Variants in NRK observed in about 807,000 individuals in gnomAD.
NRK encodes the protein Nik related kinase, also known as nik-related protein kinase.
NRK carries 67 observed loss-of-function variants against 125.2 expected under a neutral mutation model. That is an observed-to-expected ratio of 0.54 (90% CI 0.44 to 0.66). NRK has a LOEUF of 0.66. NRK is among the 30% of genes least tolerant of loss of function. The pLI, the probability that NRK is intolerant of heterozygous loss-of-function variation, is 0.00. For synonymous variants in NRK, 458 were observed against 429.0 expected (o/e 1.07, Z -0.84); for missense variants, 1,224 against 1,192.9 (o/e 1.03, Z -0.38).
intron 16 of NRK, among the ~76,000 whole-genome samples, chrX:105,921,159 T>G (rs1156517577): frequency 9.3e-6 from 1 of 107,178 alleles, no homozygotes; most frequent in African/African-American, 3.4e-5. Context: ...CCATAAAAAA[T>G]GATGAGTTCA....
chrX:105,950,745 T>C (rs189465510), intron 27 of NRK, among the ~76,000 whole-genome samples: 79 of 110,091 alleles, frequency 7.2e-4, no homozygotes, highest in Non-Finnish European at 8.3e-4. Context: ...TCATATGAAC[T>C]ATGTACTTGG....
chrX:105,851,870 C>T (rs752102308), intron 2 of NRK, among the ~76,000 whole-genome samples: 1 of 111,134 alleles, frequency 9.0e-6, no homozygotes, highest in East Asian at 2.9e-4. Context: ...TACAATGACC[C>T]TCCACTGACC....
chrX:105,939,932 T>A lies in NRK; in HGVS notation c.3858T>A (p.Asn1286Lys), dbSNP rs2040716645. The A allele has an allele frequency of 2.5e-6, 3 of 1,191,351 alleles. No individual in the cohort carries two copies. In the East Asian group the frequency reaches 8.9e-5, roughly 35 times the overall value. The stretch of plus-strand genomic sequence containing the variant: ...CCTGGTTGAGGAACAAGATTTTGAA[T>A]AATGATCCAGAAAGTAAAAGAAGGC... ...HLTWLRNKIL[N>K]NDPESKRRQE... is the part of the protein sequence containing the mutation. Residue 1286 changes from asparagine to lysine, a missense_variant, in exon 23 of 29, where the codon AAT becomes AAA. Physicochemically the swap from Asn to Lys is moderately conservative, Grantham distance 94. Coordinates refer to ENST00000243300, the MANE Select transcript of NRK (RefSeq NM_198465.4).
intron 1 of NRK, among the ~76,000 whole-genome samples, chrX:105,824,549 C>T (rs1037274952): frequency 3.8e-5 from 4 of 105,383 alleles, no homozygotes; most frequent in Non-Finnish European, 7.7e-5. Context: ...GTGGTAAAGA[C>T]GTCATAGAAA....
intron 2 of NRK, among the ~76,000 whole-genome samples, chrX:105,866,763 C>T (rs2039676801): frequency 8.9e-6 from 1 of 112,173 alleles, no homozygotes; most frequent in African/African-American, 3.2e-5. Flanking sequence ...TGGGGCCTCT[C>T]ACACATATCA....
chrX:105,844,069 G>C (rs2039370482), intron 2 of NRK, among the ~76,000 whole-genome samples: 1 of 106,588 alleles, frequency 9.4e-6, no homozygotes. Flanking sequence ...CTGTGTGTGT[G>C]GGTGCTTTTT....
At chrX:105,869,562 T>C (rs764473692) in intron 2 of NRK, among the ~76,000 whole-genome samples, 1 of 111,721 alleles carries the variant, frequency 9.0e-6, no homozygotes, top group Non-Finnish European at 1.9e-5. Context: ...TGAGTACTAC[T>C]AGTTACTGCT....
intron 15 of NRK, 47 bp downstream of exon 15, chrX:105,915,844 T>C: frequency 1.4e-6 from 1 of 705,296 alleles, no homozygotes; most frequent in Non-Finnish European, 2.2e-6. Context: ...AATTATCAAA[T>C]GGAAAATTAA....
chrX:105,944,520 GC>G (rs771579741), intron 24 of NRK, among the ~76,000 whole-genome samples: 2 of 111,533 alleles, frequency 1.8e-5, no homozygotes, highest in Non-Finnish European at 3.8e-5. Context: ...CCCCACCAGC[GC>G]CTCACTCCCA....
At chrX:105,869,115 G>A (rs1004591395) in intron 2 of NRK, among the ~76,000 whole-genome samples, 23 of 110,935 alleles carry the variant, frequency 2.1e-4, no homozygotes, top group African/African-American at 5.9e-4. Flanking sequence ...GCCAGATGCT[G>A]AAGGAATGGG....
chrX:105,902,730 T>C, intron 9 of NRK, among the ~76,000 whole-genome samples: 1 of 111,695 alleles, frequency 9.0e-6, no homozygotes. Flanking sequence ...ATTAGATTCT[T>C]CTAGGAGTGG....
At chrX:105,888,966 TTC>T (rs2039982962) in intron 5 of NRK, among the ~76,000 whole-genome samples, 1 of 111,345 alleles carries the variant, frequency 9.0e-6, no homozygotes, top group Admixed American at 9.5e-5. Context: ...CTCCTCAGGT[TTC>T]AGAACCAATC....
At chrX:105,910,301 T>C in intron 13 of NRK, among the ~76,000 whole-genome samples, 1 of 112,350 alleles carries the variant, frequency 8.9e-6, no homozygotes, top group South Asian at 3.6e-4. Flanking sequence ...TTTCTTCCAA[T>C]AGAATGCCAA....
chrX:105,941,651 A>G (rs2040744183), intron 23 of NRK, among the ~76,000 whole-genome samples: 1 of 110,228 alleles, frequency 9.1e-6, no homozygotes, highest in Non-Finnish European at 1.9e-5. Flanking sequence ...CACAAAGTAT[A>G]AATCTATCGG....
intron 2 of NRK, among the ~76,000 whole-genome samples, chrX:105,832,309 A>G (rs1569286595): frequency 9.0e-6 from 1 of 111,455 alleles, no homozygotes; most frequent in Non-Finnish European, 1.9e-5. Flanking sequence ...ATGTTAATAC[A>G]TTCTAGGTGG....
intron 4 of NRK, 35 bp from the exon 5 acceptor site, chrX:105,888,259 G>A: frequency 8.6e-7 from 1 of 1,167,427 alleles, no homozygotes; most frequent in Non-Finnish European, 1.2e-6. Context: ...TGATTGCACA[G>A]TTTAGGAGCT....
Position 105,945,861 on chromosome X carries a change from T to C in NRK, c.4060-11T>C. 1 of 1,204,220 alleles carries C rather than the reference T, an allele frequency of 8.3e-7. No individual in the cohort carries two copies. The highest frequency in any genetic ancestry group is 1.1e-6 in the Non-Finnish European group (1 of 889,672). ...AGGTTAACATGTCTGGCCCTTTTCA[T>C]TCCCTACCAAGTATGCATTGATCAA... On this transcript the variant is annotated splice_polypyrimidine_tract_variant and intron_variant, in intron 24 of 28. Transcript: ENST00000243300.
chrX:105,937,567 C>T lies in NRK; in HGVS notation c.3784C>T (p.Leu1262=). ...TCAAGTCTTAGAGCCACTCAATTTG[C>T]TGATTACCATCTCAGGTTTGTTTAA... is the stretch of plus-strand genomic sequence containing the variant. ...QIQVLEPLNL[L]ITISGHKNRL... is the part of the protein sequence containing the mutation. The change falls in exon 22 of 29, where the codon CTG becomes TTG. Residue 1262 remains leucine (L), a synonymous_variant. Transcript: ENST00000243300. 8.4e-7 allele frequency: 1 copy of T among 1,196,012 alleles called. No individual in the cohort carries two copies. Among genetic ancestry groups the T allele is most frequent in the Non-Finnish European group, 1.1e-6 (1 of 886,044 alleles).
chrX:105,934,768 A>C (rs2040639314), intron 20 of NRK, among the ~76,000 whole-genome samples: 1 of 112,451 alleles, frequency 8.9e-6, no homozygotes, highest in Non-Finnish European at 1.9e-5. Flanking sequence ...TACTGAAACT[A>C]TACTTCCAGT....
Sources: allele counts gnomAD v4.1 joint callset (sites outside exome capture counted in the v4.1 genomes callset), GRCh38; gene constraint gnomAD v4.1.1; transcripts MANE v1.5; gene names NCBI Gene and HGNC (gene_info 2026-07-23, HGNC 2026-07-21).